The following CCBE1 variants were observed in gnomAD, a reference collection of about 807,000 sequenced individuals.
CCBE1 encodes the protein collagen and calcium binding EGF domains 1, also known as collagen and calcium-binding EGF domain-containing protein 1.
Under a neutral mutation model 50.0 loss-of-function variants are expected in CCBE1, and 37 were observed. That is an observed-to-expected ratio of 0.74 (90% CI 0.57 to 0.97). CCBE1 has a LOEUF of 0.97. CCBE1 is among the 50% of genes least tolerant of loss of function. The pLI is 0.00. For synonymous variants in CCBE1, 234 were observed against 203.7 expected, an observed-to-expected ratio of 1.15 and a Z score of -1.27; for missense variants, 538 against 523.8, an observed-to-expected ratio of 1.03 and a Z score of -0.26.
intron 2 of CCBE1, among the ~76,000 whole-genome samples, chr18:59,512,656 A>G (rs976153377): frequency 6.6e-6 from 1 of 152,220 alleles, no homozygotes; most frequent in African/African-American, 2.4e-5. Context: ...CATAGTGGGG[A>G]GTCTCCACTC....
intron 2 of CCBE1, among the ~76,000 whole-genome samples, chr18:59,643,514 C>T (rs2054017182): frequency 6.6e-6 from 1 of 152,056 alleles, no homozygotes; most frequent in African/African-American, 2.4e-5. Flanking sequence ...GAACAAGTTT[C>T]TAGGCCAGGC....
chr18:59,481,185 AT>A (rs987161446), intron 2 of CCBE1, among the ~76,000 whole-genome samples: 24 of 152,340 alleles, frequency 1.6e-4, no homozygotes, highest in Admixed American at 1.5e-3. Context: ...TAGATCTGAA[AT>A]TTTTAAACAT....
At chr18:59,466,314 A>G (rs1911738477) in intron 5 of CCBE1, among the ~76,000 whole-genome samples, 1 of 151,966 alleles carries the variant, frequency 6.6e-6, no homozygotes, top group South Asian at 2.1e-4. Context: ...CTGATGGTTT[A>G]TCAATACAAG....
At chr18:59,503,183 T>G (rs1913706372) in intron 2 of CCBE1, among the ~76,000 whole-genome samples, 1 of 152,220 alleles carries the variant, frequency 6.6e-6, no homozygotes, top group African/African-American at 2.4e-5. Context: ...ACTGTTCATG[T>G]GGAAATCCAG....
In CCBE1 at chr18:59,465,758, C is replaced by T. The variant is rs1192753014; in HGVS notation, c.553+981G>A. 3.3e-5 allele frequency: 5 copies of T among 152,290 alleles called. No individual in the cohort carries two copies. The East Asian group carries it at 9.7e-4, about 29-fold the overall frequency. 9.4% of individuals were successfully genotyped at this position (152,290 alleles called of 1,614,324 possible). On this transcript the variant is annotated intron_variant, in intron 5 of 10. Transcript: ENST00000439986. ...GAGTAGCATGGATACAGATTGTTTA[C>T]CTTACAAGGAGATGTTTCATATTTA...
At position 59,583,654 on chromosome 18, in the gene CCBE1, C is replaced by CGTGTGTGTGTGT. The variant is rs752150539; in HGVS notation, c.213-103428_213-103417dup. Among the ~76,000 whole-genome samples the CGTGTGTGTGTGT allele has an allele frequency of 1.1e-3, 156 of 142,204 alleles. 1 individual carries two copies. Among genetic ancestry groups the CGTGTGTGTGTGT allele is most frequent in the African/African-American group, 3.7e-3 (142 of 38,526 alleles). 93.3% of individuals were successfully genotyped at this position (142,204 alleles called of 152,430 possible). A position where few individuals can be genotyped will look rare whatever the true frequency, so the allele number is the denominator to read the frequency against. On this transcript the variant is annotated intron_variant, in intron 2 of 10. Coordinates refer to ENST00000439986, the MANE Select transcript of CCBE1 (RefSeq NM_133459.4). ...AAGGCCTTACCCTGTCACTGCTTTG[C>CGTGTGTGTGTGT]GTGTGTGTGTGTGTGTGTGTGTGTG...
intron 2 of CCBE1, among the ~76,000 whole-genome samples, chr18:59,627,254 A>G (rs1185505811): frequency 6.6e-6 from 1 of 152,242 alleles, no homozygotes; most frequent in African/African-American, 2.4e-5. Context: ...ATATAATCTC[A>G]TTTGAAATGT....
In CCBE1 at chr18:59,436,025, G is replaced by T; in HGVS notation, c.1104C>A (p.Phe368Leu). Residue 368 changes from phenylalanine to leucine, a missense_variant, in exon 11 of 11, where the codon TTC (phenylalanine) becomes TTA (leucine). Phe to Leu is a conservative substitution (Grantham distance 22, BLOSUM62 0). Transcript: ENST00000439986. ...GHRTHSSAEE[F>L]PLPQEFPSYP... ...AGCTGGGAAATTCCTGAGGTAAAGG[G>T]AACTCCTCTGCTGAAGAGTGAGTCC... 6.2e-7 allele frequency: 1 copy of T among 1,614,144 alleles called. No homozygotes were observed. Among genetic ancestry groups the T allele is most frequent in the South Asian group, 1.1e-5 (1 of 91,066 alleles).
chr18:59,494,686 C>T (rs1325075342), intron 2 of CCBE1, among the ~76,000 whole-genome samples: 1 of 152,048 alleles, frequency 6.6e-6, no homozygotes, highest in African/African-American at 2.4e-5. Context: ...CAGAAGAGAG[C>T]TAATTACAAA....
At chr18:59,606,244 G>A (rs1158849663) in intron 2 of CCBE1, among the ~76,000 whole-genome samples, 1 of 152,202 alleles carries the variant, frequency 6.6e-6, no homozygotes, top group Non-Finnish European at 1.5e-5. Context: ...AACTCCCACA[G>A]ATTGGTTTTT....
intron 5 of CCBE1, 25 bp from the exon 6 acceptor site, chr18:59,454,976 C>G (rs753499961): frequency 6.3e-7 from 1 of 1,593,540 alleles, no homozygotes; most frequent in South Asian, 1.1e-5. Context: ...AGGCTCAGTC[C>G]TGTCTGGGAG....
At chr18:59,517,941 G>A (rs1914443681) in intron 2 of CCBE1, among the ~76,000 whole-genome samples, 1 of 152,136 alleles carries the variant, frequency 6.6e-6, no homozygotes, top group South Asian at 2.1e-4. Flanking sequence ...AGAATTGTTG[G>A]GCACAGGGGT....
Position 59,634,882 on chromosome 18 carries a change from G to C in CCBE1, c.212+61747C>G, listed in dbSNP as rs79419147. ...GAAACATCTCAGTACACAGCACAAA[G>C]AGGAACAAAATGAAAGAGGGATTAA... On this transcript the variant is annotated intron_variant, in intron 2 of 10. Coordinates refer to ENST00000439986, the MANE Select transcript of CCBE1 (RefSeq NM_133459.4). Among the ~76,000 whole-genome samples, 32 of 152,252 alleles carry C rather than the reference G, an allele frequency of 2.1e-4. No individual in the cohort carries two copies. The East Asian group carries it at 6.0e-3, about 28-fold the overall frequency.
intron 2 of CCBE1, among the ~76,000 whole-genome samples, chr18:59,680,431 T>G (rs1243634855): frequency 1.3e-5 from 2 of 151,404 alleles, no homozygotes; most frequent in Non-Finnish European, 2.9e-5. Context: ...CCAGGCGCGG[T>G]GGTTTGCATG....
At chr18:59,673,437 T>G (rs1177209627) in intron 2 of CCBE1, among the ~76,000 whole-genome samples, 1 of 152,052 alleles carries the variant, frequency 6.6e-6, no homozygotes, top group Non-Finnish European at 1.5e-5. Context: ...GGTGACAGAG[T>G]GAGACTCCAT....
intron 2 of CCBE1, among the ~76,000 whole-genome samples, chr18:59,493,675 A>G (rs918168554): frequency 6.6e-6 from 1 of 152,162 alleles, no homozygotes; most frequent in Admixed American, 6.5e-5. Context: ...TGCGTGTTAC[A>G]GGAGACACAG....
chr18:59,447,687 G>A (rs980989455), intron 7 of CCBE1, among the ~76,000 whole-genome samples: 19 of 152,120 alleles, frequency 1.2e-4, no homozygotes, highest in East Asian at 3.9e-4. Flanking sequence ...TCCAGAAAAA[G>A]GTTTAAGATA....
At chr18:59,477,448 A>G (rs1215285401) in intron 3 of CCBE1, among the ~76,000 whole-genome samples, 1 of 152,138 alleles carries the variant, frequency 6.6e-6, no homozygotes, top group East Asian at 1.9e-4. Context: ...GGTTACATGT[A>G]TCAGCTATGA....
intron 2 of CCBE1, among the ~76,000 whole-genome samples, chr18:59,512,767 T>G (rs8092112): frequency 0.68 from 103,045 of 152,052 alleles, 36,034 homozygotes; most frequent in East Asian, 0.96. Flanking sequence ...ATTATTGAGA[T>G]ATGTGTTTAG....
Sources: gnomAD v4.1 joint callset for allele counts (sites outside exome capture counted in the v4.1 genomes callset) on GRCh38, gnomAD v4.1.1 for gene constraint, MANE v1.5 for transcripts, NCBI Gene and HGNC (gene_info 2026-07-23, HGNC 2026-07-21) for gene names.